TACR3: variants seen among roughly 807,000 people sequenced by gnomAD.
The protein encoded by TACR3 is tachykinin receptor 3, also known as neuromedin-K receptor.
In TACR3, 34 loss-of-function variants were observed where a neutral mutation model predicts 35.0. That is an observed-to-expected ratio of 0.97 (90% CI 0.74 to 1.30). TACR3 has a LOEUF of 1.30. TACR3 is among the 50% of genes most tolerant of loss of function. TACR3 has a pLI of 0.00. For synonymous variants in TACR3, 233 were observed against 221.1 expected, an observed-to-expected ratio of 1.05 and a Z score of -0.48; for missense variants, 558 against 591.7, an observed-to-expected ratio of 0.94 and a Z score of 0.59.
intron 3 of TACR3, among the ~76,000 whole-genome samples, chr4:103,594,421 C>T (rs1387650027): frequency 6.6e-6 from 1 of 152,116 alleles, no homozygotes; most frequent in Non-Finnish European, 1.5e-5. Flanking sequence ...TGTAGATCCA[C>T]CCACCTCGGC....
At chr4:103,648,868 G>C (rs1005902400) in intron 3 of TACR3, among the ~76,000 whole-genome samples, 28 of 152,162 alleles carry the variant, frequency 1.8e-4, no homozygotes, top group African/African-American at 6.7e-4. Flanking sequence ...CTTCCAAACT[G>C]TTCTCCATAG....
intron 3 of TACR3, among the ~76,000 whole-genome samples, chr4:103,629,866 A>AAAAAAAAAAAAAAAACAAAG (rs1725012871): frequency 7.3e-6 from 1 of 137,338 alleles, no homozygotes; most frequent in Non-Finnish European, 1.6e-5. Flanking sequence ...AAAAACAAAA[A>AAAAAAAAAAAAAAAACAAAG]AAAAACAAAA....
At chr4:103,628,529 A>G (rs1278903751) in intron 3 of TACR3, among the ~76,000 whole-genome samples, 2 of 152,204 alleles carry the variant, frequency 1.3e-5, no homozygotes, top group Admixed American at 1.3e-4. Context: ...AACTCTACAC[A>G]AATAAACTAG....
At chr4:103,712,420 T>G (rs947558857) in intron 1 of TACR3, among the ~76,000 whole-genome samples, 9 of 152,196 alleles carry the variant, frequency 5.9e-5, no homozygotes, top group Non-Finnish European at 1.3e-4. Context: ...TGGCTAGCCA[T>G]ATGTAGAAAG....
chr4:103,700,388 G>A (rs565601840), intron 1 of TACR3, among the ~76,000 whole-genome samples: 1 of 152,040 alleles, frequency 6.6e-6, no homozygotes, highest in African/African-American at 2.4e-5. Context: ...ATTTTAAATA[G>A]TCTTGATACT....
At chr4:103,623,265 G>A (rs1006103948) in intron 3 of TACR3, among the ~76,000 whole-genome samples, 10 of 151,880 alleles carry the variant, frequency 6.6e-5, no homozygotes, top group Admixed American at 5.2e-4. Flanking sequence ...CTCAACTATT[G>A]TAATCTGGTA....
intron 1 of TACR3, among the ~76,000 whole-genome samples, chr4:103,685,176 T>A (rs1258085882): frequency 2.6e-5 from 4 of 151,990 alleles, no homozygotes; most frequent in African/African-American, 9.7e-5. Context: ...CATAGATCAA[T>A]GAAACAGGAT....
chr4:103,595,695 A>G (rs1020630308), intron 3 of TACR3, among the ~76,000 whole-genome samples: 1 of 149,906 alleles, frequency 6.7e-6, no homozygotes, highest in Non-Finnish European at 1.5e-5. Flanking sequence ...TATTTAGAAA[A>G]CTCTAGGGGT....
chr4:103,603,501 C>G lies in TACR3; in HGVS notation c.889-11818G>C, dbSNP rs1724263638. 3.3e-5 allele frequency among the ~76,000 whole-genome samples: 5 copies of G among 152,100 alleles called. No individual in the cohort carries two copies. In the South Asian group the frequency reaches 1.0e-3, roughly 32 times the overall value. ...TTCTGCGTTGCTCACGCTGGGCGAA[C>G]TTATCCTTTTTTATGGCGGCATAGT... On this transcript the variant is annotated intron_variant, in intron 3 of 4. Coordinates refer to ENST00000304883, the MANE Select transcript of TACR3 (RefSeq NM_001059.3).
chr4:103,633,402 T>C (rs1292716002), intron 3 of TACR3, among the ~76,000 whole-genome samples: 9 of 143,320 alleles, frequency 6.3e-5, no homozygotes, highest in East Asian at 2.2e-4. Flanking sequence ...ATCAATTTAT[T>C]TTATTATTAT....
chr4:103,603,787 C>A (rs1201575985), intron 3 of TACR3, among the ~76,000 whole-genome samples: 1 of 152,168 alleles, frequency 6.6e-6, no homozygotes, highest in African/African-American at 2.4e-5. Flanking sequence ...ATATTCCCAC[C>A]AACAGTGTGA....
At chr4:103,623,697 A>G (rs7678970) in intron 3 of TACR3, among the ~76,000 whole-genome samples, 8,834 of 152,186 alleles carry the variant, frequency 0.058, 871 homozygotes, top group African/African-American at 0.2. Flanking sequence ...CATTCAATGT[A>G]TTACAAGTGA....
At chr4:103,629,579 A>C (rs529206962) in intron 3 of TACR3, among the ~76,000 whole-genome samples, 1 of 152,276 alleles carries the variant, frequency 6.6e-6, no homozygotes, top group East Asian at 1.9e-4. Flanking sequence ...AATCCAACTT[A>C]CAAGGGATGT....
At chr4:103,609,570 A>G (rs1312458915) in intron 3 of TACR3, among the ~76,000 whole-genome samples, 1 of 152,090 alleles carries the variant, frequency 6.6e-6, no homozygotes, top group African/African-American at 2.4e-5. Flanking sequence ...GGTAAACAGA[A>G]TACTTATCTC....
In TACR3 at chr4:103,588,858, C is replaced by A. The variant is rs2110281496; in HGVS notation, c.*824G>T. On this transcript the variant is annotated 3_prime_UTR_variant, in exon 5 of 5. Transcript: ENST00000304883. The stretch of plus-strand genomic sequence containing the variant: ...TCTTCCTCTATTTATTGGAATGTAC[C>A]TTTACTGTTTTATAATCTAGCTATT... 6.6e-6 allele frequency: 1 copy of A among 151,924 alleles called. No homozygotes were observed. Among genetic ancestry groups the A allele is most frequent in the African/African-American group, 2.4e-5 (1 of 41,448 alleles). The allele number at this position is 151,924 out of a possible 1,614,324, so 9.4% of individuals were successfully genotyped here.
At chr4:103,621,416 G>A (rs1462783566) in intron 3 of TACR3, among the ~76,000 whole-genome samples, 2 of 152,134 alleles carry the variant, frequency 1.3e-5, no homozygotes, top group Non-Finnish European at 2.9e-5. Context: ...ATTTTAATAA[G>A]GGTATTCATA....
intron 1 of TACR3, among the ~76,000 whole-genome samples, chr4:103,665,088 C>T (rs1417932208): frequency 6.6e-6 from 1 of 151,902 alleles, no homozygotes; most frequent in African/African-American, 2.4e-5. Context: ...GCTGGGATTA[C>T]AGGCATGAAC....
intron 3 of TACR3, among the ~76,000 whole-genome samples, chr4:103,606,305 C>T (rs1489243132): frequency 3.8e-4 from 57 of 150,928 alleles, no homozygotes; most frequent in Admixed American, 4.6e-4. Context: ...CTTGGCGATG[C>T]GGGCTCTTTT....
At chr4:103,652,660 C>A (rs116031384) in intron 3 of TACR3, among the ~76,000 whole-genome samples, 2,261 of 152,162 alleles carry the variant, frequency 0.015, 57 homozygotes, top group African/African-American at 0.052. Flanking sequence ...TCCTGCTCCA[C>A]CCCGTGTAGT....
Sources: gnomAD v4.1 joint callset for allele counts (sites outside exome capture counted in the v4.1 genomes callset) on GRCh38, gnomAD v4.1.1 for gene constraint, MANE v1.5 for transcripts, NCBI Gene and HGNC (gene_info 2026-07-23, HGNC 2026-07-21) for gene names.